The following DNALI1 variants were observed in gnomAD, a reference collection of about 807,000 sequenced individuals.
DNALI1 encodes the protein dynein axonemal light intermediate chain 1, also known as axonemal dynein light intermediate polypeptide 1.
In DNALI1, 31 loss-of-function variants were observed where a neutral mutation model predicts 33.9. The ratio of observed to expected loss-of-function variants is 0.91; its 90% CI spans 0.69 to 1.23. DNALI1 has a LOEUF of 1.23. Among genes scored for constraint, DNALI1 ranks in the 50% most tolerant of loss-of-function variants. DNALI1 has a pLI of 0.00. For missense variants in DNALI1, 305 were observed against 323.8 expected (o/e 0.94, Z 0.44); for synonymous variants, 117 against 129.2 (o/e 0.91, Z 0.64).
At position 37,557,741 on chromosome 1, in the gene DNALI1, C is replaced by G; in HGVS notation, c.220C>G (p.Pro74Ala). The G allele has an allele frequency of 1.9e-6, 3 of 1,613,560 alleles. No individual in the cohort carries two copies. The highest frequency in any genetic ancestry group is 2.5e-6 in the Non-Finnish European group (3 of 1,179,784). The change falls in exon 2 of 6, where the codon CCC becomes GCC. Residue 74 changes from proline to alanine, a missense_variant. Physicochemically the swap from Pro to Ala is conservative, Grantham distance 27. Coordinates refer to ENST00000652629, the MANE Select transcript of DNALI1 (RefSeq NM_003462.5). ...AGAAGAAATCTTGAATGCCATACTA[C>G]CCCCAAGGTAAGAAAGTAGGAGCAG... is the stretch of plus-strand genomic sequence containing the variant. Reference protein sequence around the residue: ...QAEEILNAILPPREWVEDTQL... With the variant: ...QAEEILNAILAPREWVEDTQL...
At position 37,566,605 on chromosome 1, in the gene DNALI1, A is replaced by G. The variant is rs1209459251; in HGVS notation, c.*1544A>G. 1 of 451,078 alleles carries G rather than the reference A, an allele frequency of 2.2e-6. No individual in the cohort carries two copies. The highest frequency in any genetic ancestry group is 3.6e-5 in the East Asian group (1 of 27,722). The allele number at this position is 451,078 out of a possible 1,614,324, so 27.9% of individuals were successfully genotyped here. A position where few individuals can be genotyped will look rare whatever the true frequency, so the allele number is the denominator to read the frequency against. On this transcript the variant is annotated 3_prime_UTR_variant, in exon 6 of 6. Coordinates refer to ENST00000652629, the MANE Select transcript of DNALI1 (RefSeq NM_003462.5). ...ACCTCATCCCCTATTTCTGTCAGACAGTTATATGACAGGGTGACTGTGGAA... is the reference window on the plus strand; with the variant it reads ...ACCTCATCCCCTATTTCTGTCAGACGGTTATATGACAGGGTGACTGTGGAA...
intron 5 of DNALI1, 102 bp from the exon 6 acceptor site, chr1:37,564,924 G>C: frequency 8.1e-7 from 1 of 1,227,216 alleles, no homozygotes; most frequent in East Asian, 2.3e-5. Context: ...CCCTTGGAGT[G>C]ACAGCATGTG....
At chr1:37,557,807 GGA>G (rs1643391211) in intron 2 of DNALI1, 59 bp downstream of exon 2, 1 of 1,602,216 alleles carries the variant, frequency 6.2e-7, no homozygotes, top group Non-Finnish European at 8.5e-7. Flanking sequence ...GTGGATTTTG[GGA>G]GTGTGGGGGG....
rs549090703 is a variant in DNALI1, at chr1:37,559,294, G to A, written c.228-33G>A. On this transcript the variant is annotated intron_variant, in intron 2 of 5. Transcript: ENST00000652629. The surrounding 1 kb of genome is among the most constrained non-coding windows in gnomAD (Gnocchi z 5.3). ...ATGTGCTAGGGACCTTCAAGTCAAC[G>A]GGTTTTGCTCAGCCTCGCTGTGTCT... 8.4e-6 allele frequency: 13 copies of A among 1,545,266 alleles called. No homozygotes were observed. The highest frequency in any genetic ancestry group is 3.7e-5 in the South Asian group (3 of 81,740).
chr1:37,558,014 G>C, intron 2 of DNALI1: 2 of 425,398 alleles, frequency 4.7e-6, no homozygotes, highest in East Asian at 9.6e-5. Context: ...TGTATTTCCA[G>C]CCCTGTCTTC....
intron 2 of DNALI1, chr1:37,558,223 C>G (rs1287460947): frequency 6.5e-6 from 1 of 153,542 alleles, no homozygotes; most frequent in African/African-American, 2.4e-5. Context: ...CAGCATGTGT[C>G]CTATCCTTCG....
In DNALI1 at chr1:37,559,289, T is replaced by G; in HGVS notation, c.228-38T>G. The G allele has an allele frequency of 6.5e-7, 1 of 1,541,796 alleles. No individual in the cohort carries two copies. Among genetic ancestry groups the G allele is most frequent in the Non-Finnish European group, 8.8e-7 (1 of 1,141,222 alleles). ...TGCTCATGTGCTAGGGACCTTCAAG[T>G]CAACGGGTTTTGCTCAGCCTCGCTG... is the stretch of plus-strand genomic sequence containing the variant. On this transcript the variant is annotated intron_variant, in intron 2 of 5. Coordinates refer to ENST00000652629, the MANE Select transcript of DNALI1 (RefSeq NM_003462.5). This position sits in a 1 kb window ranked among gnomAD's most constrained non-coding sequence, Gnocchi z 5.3.
At position 37,561,806 on chromosome 1, in the gene DNALI1, C is replaced by T; in HGVS notation, c.576+71C>T. 6.5e-7 allele frequency: 1 copy of T among 1,544,006 alleles called. No homozygotes were observed. Among genetic ancestry groups the T allele is most frequent in the Non-Finnish European group, 8.8e-7 (1 of 1,138,004 alleles). ...CCTCAGGGCCACATGCTTATCATTCCAGCACTACATTCTGACCTCCTAAGG... is the reference window on the plus strand; with the variant it reads ...CCTCAGGGCCACATGCTTATCATTCTAGCACTACATTCTGACCTCCTAAGG... On this transcript the variant is annotated intron_variant, in intron 4 of 5. Coordinates refer to ENST00000652629, the MANE Select transcript of DNALI1 (RefSeq NM_003462.5). The surrounding 1 kb of genome is among the most constrained non-coding windows in gnomAD (Gnocchi z 4.6).
At position 37,557,713 on chromosome 1, in the gene DNALI1, GGCA is replaced by G. The variant is rs762323760; in HGVS notation, c.194_196del (p.Ala65del). 5 of 1,613,746 alleles carry G rather than the reference GGCA, an allele frequency of 3.1e-6. No homozygotes were observed. The highest frequency in any genetic ancestry group is 1.3e-5 in the African/African-American group (1 of 74,898). On this transcript the variant is annotated inframe_deletion, in exon 2 of 6. Transcript: ENST00000652629. ...CCTGTGTCCCAGATCCTACAAAGCA[GGCA>G]GAAGAAATCTTGAATGCCATACTAC...
At chr1:37,564,044 G>A (rs2148123931) in intron 5 of DNALI1, among the ~76,000 whole-genome samples, 1 of 151,614 alleles carries the variant, frequency 6.6e-6, no homozygotes, top group South Asian at 2.1e-4. Flanking sequence ...GACCAGCCTG[G>A]CCAACGTGGT....
At position 37,561,801 on chromosome 1, in the gene DNALI1, C is replaced by T; in HGVS notation, c.576+66C>T. 6.5e-7 allele frequency: 1 copy of T among 1,548,864 alleles called. No homozygotes were observed. Among genetic ancestry groups the T allele is most frequent in the Non-Finnish European group, 8.8e-7 (1 of 1,140,408 alleles). Reference sequence around the variant, plus strand: ...GTAAACCTCAGGGCCACATGCTTATCATTCCAGCACTACATTCTGACCTCC... The same window carrying T: ...GTAAACCTCAGGGCCACATGCTTATTATTCCAGCACTACATTCTGACCTCC... On this transcript the variant is annotated intron_variant, in intron 4 of 5. Coordinates refer to ENST00000652629, the MANE Select transcript of DNALI1 (RefSeq NM_003462.5). This position sits in a 1 kb window ranked among gnomAD's most constrained non-coding sequence, Gnocchi z 4.6.
chr1:37,557,009 A>T lies in DNALI1; in HGVS notation c.15A>T (p.Ala5=). The T allele has an allele frequency of 1.2e-6, 2 of 1,614,184 alleles. No individual in the cohort carries two copies. The highest frequency in any genetic ancestry group is 2.2e-5 in the South Asian group (2 of 91,088). The change falls in exon 1 of 6, where the codon GCA becomes GCT. Residue 5 remains alanine (A), a synonymous_variant. Coordinates refer to ENST00000652629, the MANE Select transcript of DNALI1 (RefSeq NM_003462.5). The part of the protein sequence containing the change: MIPP[A]DSLLKYDTPV... ...TCGCCTCCGCCATGATTCCGCCCGC[A>T]GACTCTTTGCTCAAGTACGACACCC...
In DNALI1 at chr1:37,559,265, G is replaced by A; in HGVS notation, c.228-62G>A. 6.7e-7 allele frequency: 1 copy of A among 1,492,266 alleles called. No homozygotes were observed. Among genetic ancestry groups the A allele is most frequent in the Non-Finnish European group, 9.0e-7 (1 of 1,115,080 alleles). The allele number at this position is 1,492,266 out of a possible 1,614,324, so 92.4% of individuals were successfully genotyped here. On this transcript the variant is annotated intron_variant, in intron 2 of 5. Transcript: ENST00000652629. The surrounding 1 kb of genome is among the most constrained non-coding windows in gnomAD (Gnocchi z 5.3). ...AGGCAGAGGGCTCAAAGGGCCCTCT[G>A]CTCATGTGCTAGGGACCTTCAAGTC...
In DNALI1 at chr1:37,562,023, C is replaced by T. The variant is rs2148123038; in HGVS notation, c.577-58C>T. On this transcript the variant is annotated intron_variant, in intron 4 of 5. Coordinates refer to ENST00000652629, the MANE Select transcript of DNALI1 (RefSeq NM_003462.5). This position sits in a 1 kb window ranked among gnomAD's most constrained non-coding sequence, Gnocchi z 5.8. ...ATGTCCCATGTCCCTTCCACCCAGGCTCACACCATTCCATTCACCTGGCGA... is the reference window on the plus strand; with the variant it reads ...ATGTCCCATGTCCCTTCCACCCAGGTTCACACCATTCCATTCACCTGGCGA... 1.2e-6 allele frequency: 2 copies of T among 1,609,650 alleles called. No individual in the cohort carries two copies. Among genetic ancestry groups the T allele is most frequent in the East Asian group, 2.2e-5 (1 of 44,826 alleles).
Position 37,561,815 on chromosome 1 carries a change from A to G in DNALI1, c.576+80A>G. On this transcript the variant is annotated intron_variant, in intron 4 of 5. Coordinates refer to ENST00000652629, the MANE Select transcript of DNALI1 (RefSeq NM_003462.5). This position sits in a 1 kb window ranked among gnomAD's most constrained non-coding sequence, Gnocchi z 4.6. ...CACATGCTTATCATTCCAGCACTACATTCTGACCTCCTAAGGTGCTCTGCT... is the reference window on the plus strand; with the variant it reads ...CACATGCTTATCATTCCAGCACTACGTTCTGACCTCCTAAGGTGCTCTGCT... 1 of 1,522,660 alleles carries G rather than the reference A, an allele frequency of 6.6e-7. No homozygotes were observed. Among genetic ancestry groups the G allele is most frequent in the Non-Finnish European group, 8.9e-7 (1 of 1,124,918 alleles). The allele number at this position is 1,522,660 out of a possible 1,614,324, so 94.3% of individuals were successfully genotyped here.
At chr1:37,563,886 C>G (rs1254871669) in intron 5 of DNALI1, among the ~76,000 whole-genome samples, 1 of 152,130 alleles carries the variant, frequency 6.6e-6, no homozygotes, top group African/African-American at 2.4e-5. Flanking sequence ...ATTTTATTGG[C>G]TACCAGAGGA....
intron 5 of DNALI1, among the ~76,000 whole-genome samples, chr1:37,563,027 T>C (rs1396541438): frequency 6.6e-6 from 1 of 152,188 alleles, no homozygotes; most frequent in Non-Finnish European, 1.5e-5. Flanking sequence ...TCTCAGGTGA[T>C]TCTAATGTTT....
Position 37,565,239 on chromosome 1 carries a change from A to G in DNALI1, c.*178A>G. On this transcript the variant is annotated 3_prime_UTR_variant, in exon 6 of 6. Coordinates refer to ENST00000652629, the MANE Select transcript of DNALI1 (RefSeq NM_003462.5). ...TTGTTAGAAGTCACACTATTACTCC[A>G]ATGTCATCAGACACCTAAGGTCTGC... 1 of 662,030 alleles carries G rather than the reference A, an allele frequency of 1.5e-6. No homozygotes were observed. Among genetic ancestry groups the G allele is most frequent in the South Asian group, 1.9e-5 (1 of 52,712 alleles). The allele number at this position is 662,030 out of a possible 1,614,324, so 41.0% of individuals were successfully genotyped here. A position where few individuals can be genotyped will look rare whatever the true frequency, so the allele number is the denominator to read the frequency against.
rs1643416962 is a variant in DNALI1 at position 37,559,902 on chromosome 1, G to A, written c.397+406G>A. Among the ~76,000 whole-genome samples, 1 of 152,204 alleles carries A rather than the reference G, an allele frequency of 6.6e-6. No individual in the cohort carries two copies. Among genetic ancestry groups the A allele is most frequent in the Admixed American group, 6.5e-5 (1 of 15,288 alleles). On this transcript the variant is annotated intron_variant, in intron 3 of 5. Transcript: ENST00000652629. The surrounding 1 kb of genome is among the most constrained non-coding windows in gnomAD (Gnocchi z 5.3). ...AAGAGGAATGTGGCAGGAGAGCAGG[G>A]TGATAGTGGGGAGAAGATCAGCAAG...
Sources: gnomAD v4.1 joint callset for allele counts (sites outside exome capture counted in the v4.1 genomes callset) on GRCh38, gnomAD v4.1.1 for gene constraint, Gnocchi (gnomAD v3.1) non-coding constraint, MANE v1.5 for transcripts, NCBI Gene and HGNC (gene_info 2026-07-23, HGNC 2026-07-21) for gene names.